The following MARCHF8 variants were observed in gnomAD, a reference collection of about 807,000 sequenced individuals.
MARCHF8 encodes E3 ubiquitin-protein ligase MARCHF8.
Under a neutral mutation model 51.6 loss-of-function variants are expected in MARCHF8, and 40 were observed. The observed-to-expected ratio is 0.77, with a 90% CI of 0.60 to 1.01. MARCHF8 has a LOEUF of 1.01. Ranked by LOEUF, MARCHF8 falls within the 50% of genes least tolerant of loss-of-function variation. The probability of loss-of-function intolerance (pLI) is 0.00; values close to 1 mark genes in which losing one functional copy is unlikely to be tolerated. For synonymous variants in MARCHF8, 263 were observed against 280.3 expected (o/e 0.94, Z 0.62); for missense variants, 685 against 708.6 (o/e 0.97, Z 0.38).
intron 1 of MARCHF8, among the ~76,000 whole-genome samples, chr10:45,571,004 C>T (rs371413396): frequency 7.2e-5 from 11 of 152,068 alleles, no homozygotes; most frequent in African/African-American, 2.4e-4. Context: ...TGATTCTGCC[C>T]AAATCACAAT....
chr10:45,521,411 G>C (rs903250941), intron 2 of MARCHF8, among the ~76,000 whole-genome samples: 1 of 152,178 alleles, frequency 6.6e-6, no homozygotes, highest in African/African-American at 2.4e-5. Flanking sequence ...AAATGTAGGG[G>C]CCTTTCCTTC....
intron 3 of MARCHF8, among the ~76,000 whole-genome samples, chr10:45,486,488 C>CA (rs1235980341): frequency 6.6e-6 from 1 of 152,100 alleles, no homozygotes; most frequent in African/African-American, 2.4e-5. Context: ...TGCTTAAATC[C>CA]AGGAGGCGGA....
chr10:45,517,314 A>G (rs1300500182), intron 2 of MARCHF8, among the ~76,000 whole-genome samples: 5 of 152,218 alleles, frequency 3.3e-5, no homozygotes, highest in African/African-American at 9.6e-5. Context: ...GAAGGGCTCA[A>G]AATAGTTTGG....
chr10:45,567,757 G>T (rs1276134414), intron 1 of MARCHF8, among the ~76,000 whole-genome samples: 1 of 152,082 alleles, frequency 6.6e-6, no homozygotes, highest in East Asian at 1.9e-4. Context: ...AACGGCTTTG[G>T]CTATTCTGGG....
intron 1 of MARCHF8, among the ~76,000 whole-genome samples, chr10:45,572,288 A>G (rs2044439555): frequency 1.4e-5 from 2 of 142,764 alleles, no homozygotes; most frequent in Non-Finnish European, 3.0e-5. Flanking sequence ...AAGCACCCCC[A>G]CCCCTTTTCT....
intron 3 of MARCHF8, among the ~76,000 whole-genome samples, chr10:45,485,676 T>G (rs1337744377): frequency 6.6e-6 from 1 of 152,182 alleles, no homozygotes; most frequent in Non-Finnish European, 1.5e-5. Flanking sequence ...CTAGGAGGCA[T>G]GATTAAAGGT....
In MARCHF8 at chr10:45,463,640, TTA is replaced by T. The variant is rs1352941830; in HGVS notation, c.597_598del (p.His199GlnfsTer51). 6.4e-7 allele frequency: 1 copy of T among 1,550,606 alleles called. No individual in the cohort carries two copies. The highest frequency in any genetic ancestry group is 8.7e-7 in the Non-Finnish European group (1 of 1,147,036). Reference sequence around the variant, plus strand: ...TTTGTGGTTCAGGGTTCTTTTTTCTTTATGATGAAACCTGTTAGTTCTGAGAC... The same window carrying T: ...TTTGTGGTTCAGGGTTCTTTTTTCTTTGATGAAACCTGTTAGTTCTGAGAC... On this transcript the variant is annotated frameshift_variant, in exon 5 of 8. Transcript: ENST00000453424. LOFTEE classifies it high-confidence loss of function.
At chr10:45,591,619 G>A (rs60040820) in intron 1 of MARCHF8, among the ~76,000 whole-genome samples, 3,757 of 152,114 alleles carry the variant, frequency 0.025, 160 homozygotes, top group African/African-American at 0.085. Context: ...TCTTATATGC[G>A]TGACACATTT....
In MARCHF8 at chr10:45,463,308, C is replaced by T. The variant is rs1272704606; in HGVS notation, c.931G>A (p.Asp311Asn). ...GCAGATGTGCTGTCCTCAAAGACAT[C>T]GTCGTCTCCCATCTCGTCAGAGCAG... ...GFCSDEMGDDDVFEDSTSAKL... is the reference protein window; with the variant it reads ...GFCSDEMGDDNVFEDSTSAKL... The change falls in exon 5 of 8, where the codon GAT becomes AAT. Residue 311 changes from aspartate to asparagine, a missense_variant. Transcript: ENST00000453424. 13 of 1,551,016 alleles carry T rather than the reference C, an allele frequency of 8.4e-6. No homozygotes were observed. The highest frequency in any genetic ancestry group is 2.4e-5 in the East Asian group (1 of 40,922).
At chr10:45,525,908 A>G (rs1422868495) in intron 2 of MARCHF8, among the ~76,000 whole-genome samples, 1 of 152,218 alleles carries the variant, frequency 6.6e-6, no homozygotes, top group Non-Finnish European at 1.5e-5. Flanking sequence ...CATAGCCAAG[A>G]GGAGCCTAAG....
intron 1 of MARCHF8, among the ~76,000 whole-genome samples, chr10:45,592,809 T>A (rs1019071016): frequency 6.6e-6 from 1 of 152,204 alleles, no homozygotes; most frequent in South Asian, 2.1e-4. Flanking sequence ...TTAGGAAATA[T>A]AAATACAGCA....
At chr10:45,494,887 A>G (rs1172125169) in intron 2 of MARCHF8, among the ~76,000 whole-genome samples, 1 of 152,218 alleles carries the variant, frequency 6.6e-6, no homozygotes, top group Non-Finnish European at 1.5e-5. Context: ...TGGGAGGCCG[A>G]GGTGGGAGGA....
intron 2 of MARCHF8, among the ~76,000 whole-genome samples, chr10:45,490,559 GTATGGCAATTTGT>G (rs1465772269): frequency 6.6e-6 from 1 of 151,848 alleles, no homozygotes; most frequent in Non-Finnish European, 1.5e-5. Flanking sequence ...GCCACCTTCC[GTATGGCAATTTGT>G]TATGGCAACC....
At chr10:45,542,072 G>T in intron 1 of MARCHF8, among the ~76,000 whole-genome samples, 1 of 152,188 alleles carries the variant, frequency 6.6e-6, no homozygotes, top group East Asian at 1.9e-4. Flanking sequence ...TAGGCCGGGC[G>T]CAGTGGCTCA....
chr10:45,528,019 T>C (rs886283939), intron 2 of MARCHF8, among the ~76,000 whole-genome samples: 4 of 152,184 alleles, frequency 2.6e-5, no homozygotes, highest in Non-Finnish European at 4.4e-5. Flanking sequence ...TCTCGATAGA[T>C]ACAGAAAAAG....
At chr10:45,569,292 G>T (rs781308689) in intron 1 of MARCHF8, among the ~76,000 whole-genome samples, 5 of 151,978 alleles carry the variant, frequency 3.3e-5, no homozygotes, top group African/African-American at 4.8e-5. Flanking sequence ...CCAGTTTTTT[G>T]AGGGTTTTTC....
At chr10:45,543,468 T>G (rs1010506975) in intron 1 of MARCHF8, among the ~76,000 whole-genome samples, 2 of 152,130 alleles carry the variant, frequency 1.3e-5, no homozygotes, top group African/African-American at 2.4e-5. Flanking sequence ...AGCCACCGAC[T>G]GGGGGAAAAA....
rs1282097278 is a variant in MARCHF8, at chr10:45,463,897, G to A, written c.342C>T (p.Leu114=). 2.1e-5 allele frequency: 32 copies of A among 1,536,554 alleles called. No homozygotes were observed. The highest frequency in any genetic ancestry group is 4.8e-5 in the South Asian group (4 of 84,066). The part of the protein sequence containing the change: ...PHCQSSLTQG[L]TVTVICKDTL... The stretch of plus-strand genomic sequence containing the variant: ...TGTCCTTACAGATAACTGTCACAGT[G>A]AGCCCTTGTGTCAGAGAACTCTGGC... Residue 114 remains leucine (L), a synonymous_variant, in exon 5 of 8, where the codon CTC becomes CTT. Transcript: ENST00000453424.
intron 1 of MARCHF8, among the ~76,000 whole-genome samples, chr10:45,551,295 T>C (rs897114754): frequency 8.5e-5 from 13 of 152,184 alleles, no homozygotes; most frequent in Non-Finnish European, 1.5e-4. Flanking sequence ...AAGTCTGTCA[T>C]TAAGAACATA....
Sources: gnomAD v4.1 joint callset for allele counts (sites outside exome capture counted in the v4.1 genomes callset) on GRCh38, gnomAD v4.1.1 for gene constraint, MANE v1.5 for transcripts, NCBI Gene and HGNC (gene_info 2026-07-23, HGNC 2026-07-21) for gene names.